Variants in ANOS1 observed in about 807,000 individuals in gnomAD.
The protein encoded by ANOS1 is anosmin-1.
ANOS1 carries 6 observed loss-of-function variants against 59.0 expected under a neutral mutation model. The observed-to-expected ratio is 0.10, with a 90% CI of 0.06 to 0.20. The LOEUF (loss-of-function observed/expected upper bound fraction) is 0.20. Ranked by LOEUF, ANOS1 falls within the 10% of genes least tolerant of loss-of-function variation. ANOS1 has a pLI of 1.00. For missense variants in ANOS1, 433 were observed against 542.3 expected (o/e 0.80, Z 2.00); for synonymous variants, 217 against 223.4 (o/e 0.97, Z 0.25).
chrX:8,606,725 G>A (rs1256033655), intron 3 of ANOS1, among the ~76,000 whole-genome samples: 3 of 112,664 alleles, frequency 2.7e-5, no homozygotes, highest in African/African-American at 9.7e-5. Context: ...AGTAAACCAT[G>A]GCTGTTTCTA....
chrX:8,718,617 T>G (rs1932855239), intron 1 of ANOS1, among the ~76,000 whole-genome samples: 1 of 112,176 alleles, frequency 8.9e-6, no homozygotes, highest in Admixed American at 9.4e-5. Flanking sequence ...TGGTTTCAAC[T>G]CTAGGGGCCA....
chrX:8,605,452 A>G (rs1930921789), intron 3 of ANOS1, among the ~76,000 whole-genome samples: 1 of 110,824 alleles, frequency 9.0e-6, no homozygotes, highest in Non-Finnish European at 1.9e-5. Context: ...ATCTGAGGTC[A>G]GGAGTTTGAG....
At chrX:8,710,087 C>T (rs1274672512) in intron 1 of ANOS1, among the ~76,000 whole-genome samples, 5 of 110,867 alleles carry the variant, frequency 4.5e-5, no homozygotes, top group South Asian at 3.9e-4. Flanking sequence ...CCCGCCACCA[C>T]GCCTGGCTAA....
intron 2 of ANOS1, among the ~76,000 whole-genome samples, chrX:8,655,281 T>C (rs1469131816): frequency 9.0e-6 from 1 of 111,363 alleles, no homozygotes. Flanking sequence ...TAGATTCTCA[T>C]AAGGAGCCTG....
intron 1 of ANOS1, among the ~76,000 whole-genome samples, chrX:8,706,540 T>C (rs1437564111): frequency 1.8e-5 from 2 of 111,967 alleles, no homozygotes; most frequent in Non-Finnish European, 3.8e-5. Flanking sequence ...GTATGTAAAC[T>C]ATGGACCCTG....
chrX:8,665,208 T>C (rs1302776372), intron 2 of ANOS1, among the ~76,000 whole-genome samples: 1 of 112,205 alleles, frequency 8.9e-6, no homozygotes, highest in East Asian at 2.8e-4. Context: ...CAAATAATGG[T>C]GGGAATGGAT....
chrX:8,705,421 A>C (rs1222646260), intron 1 of ANOS1, among the ~76,000 whole-genome samples: 1 of 111,534 alleles, frequency 9.0e-6, no homozygotes, highest in Admixed American at 9.6e-5. Flanking sequence ...TGTTTTTCTT[A>C]AAATAATTGC....
At chrX:8,621,716 T>C (rs1931296782) in intron 3 of ANOS1, among the ~76,000 whole-genome samples, 1 of 111,525 alleles carries the variant, frequency 9.0e-6, no homozygotes, top group South Asian at 3.7e-4. Context: ...AAGACACAGG[T>C]TAATTGATTT....
At chrX:8,651,437 G>A (rs898764657) in intron 2 of ANOS1, among the ~76,000 whole-genome samples, 2 of 111,895 alleles carry the variant, frequency 1.8e-5, no homozygotes, top group African/African-American at 3.2e-5. Flanking sequence ...TTACCTCATC[G>A]ATGGGGGAAA....
intron 3 of ANOS1, 139 bp downstream of exon 3, chrX:8,623,469 T>TA: frequency 1.9e-6 from 1 of 519,306 alleles, no homozygotes; most frequent in Non-Finnish European, 3.4e-6. Flanking sequence ...TACATGAATT[T>TA]ACGTATATCC....
At chrX:8,559,338 C>T (rs760804128) in intron 8 of ANOS1, among the ~76,000 whole-genome samples, 1 of 55,882 alleles carries the variant, frequency 1.8e-5, no homozygotes, top group Admixed American at 2.2e-4. Flanking sequence ...AAAGCATGAA[C>T]TTTTTTTTCC....
intron 2 of ANOS1, among the ~76,000 whole-genome samples, chrX:8,654,365 C>T (rs1355197474): frequency 1.8e-5 from 2 of 112,383 alleles, no homozygotes; most frequent in Admixed American, 9.5e-5. Flanking sequence ...AAAAAGAAAG[C>T]TGTGGTTTTC....
At chrX:8,621,796 G>A (rs1387258135) in intron 3 of ANOS1, among the ~76,000 whole-genome samples, 2 of 111,721 alleles carry the variant, frequency 1.8e-5, no homozygotes, top group Non-Finnish European at 3.8e-5. Flanking sequence ...TCACAGCTGA[G>A]ATCTTTCATC....
chrX:8,698,949 C>A (rs1263526447), intron 2 of ANOS1, among the ~76,000 whole-genome samples: 2 of 111,576 alleles, frequency 1.8e-5, no homozygotes, highest in African/African-American at 6.5e-5. Flanking sequence ...AGGTGTACTT[C>A]TATTTTAGGA....
chrX:8,596,003 G>A (rs1235068548), intron 4 of ANOS1, among the ~76,000 whole-genome samples: 1 of 111,391 alleles, frequency 9.0e-6, no homozygotes, highest in Non-Finnish European at 1.9e-5. Flanking sequence ...TGCTCTTTAT[G>A]AGAATCCAAT....
intron 4 of ANOS1, among the ~76,000 whole-genome samples, chrX:8,591,409 G>A (rs1489541695): frequency 9.0e-6 from 1 of 111,182 alleles, no homozygotes; most frequent in Non-Finnish European, 1.9e-5. Context: ...GCTTTCCAAT[G>A]TATAATCTTC....
At chrX:8,678,723 G>A (rs866024620) in intron 2 of ANOS1, among the ~76,000 whole-genome samples, 5 of 111,609 alleles carry the variant, frequency 4.5e-5, no homozygotes, top group South Asian at 3.8e-4. Context: ...TGTGTATGTC[G>A]CCCATTTCAC....
At chrX:8,628,898 T>C (rs1392326931) in intron 2 of ANOS1, among the ~76,000 whole-genome samples, 2 of 111,924 alleles carry the variant, frequency 1.8e-5, no homozygotes, top group African/African-American at 6.5e-5. Flanking sequence ...CAGACCACTT[T>C]TAAAACTATT....
intron 2 of ANOS1, among the ~76,000 whole-genome samples, chrX:8,689,394 A>G (rs1268068383): frequency 1.8e-5 from 2 of 109,545 alleles, no homozygotes; most frequent in Non-Finnish European, 3.8e-5. Flanking sequence ...AATTCCATCA[A>G]CTCCCTTAAG....
Sources: gnomAD v4.1 joint callset for allele counts (sites outside exome capture counted in the v4.1 genomes callset) on GRCh38, gnomAD v4.1.1 for gene constraint, MANE v1.5 for transcripts, NCBI Gene and HGNC (gene_info 2026-07-23, HGNC 2026-07-21) for gene names.